Variants in TFIP11 observed in about 807,000 individuals in gnomAD.
TFIP11 encodes the protein tuftelin interacting protein 11.
TFIP11 carries 86 observed loss-of-function variants against 96.8 expected under a neutral mutation model. The ratio of observed to expected loss-of-function variants is 0.89; its 90% CI spans 0.75 to 1.06. The LOEUF is 1.06. Among genes scored for constraint, TFIP11 ranks in the 50% least tolerant of loss-of-function variants. The pLI is 0.00. For missense variants in TFIP11, 881 were observed against 1,076.7 expected (o/e 0.82, Z 2.54); for synonymous variants, 405 against 395.2 (o/e 1.02, Z -0.29).
In TFIP11 at chr22:26,502,003, T is replaced by C; in HGVS notation, c.698A>G (p.Lys233Arg). The change falls in exon 8 of 15, where the codon AAG (lysine) becomes AGG (arginine). Residue 233 changes from lysine (K) to arginine (R), a missense_variant. Lys to Arg is a conservative substitution (Grantham distance 26, BLOSUM62 2). Transcript: ENST00000407690. ...CTTGTAAGAGTATTTGGGCTTCTTC[T>C]TGCTTCCACTTGGGTCTTTCCTCCA... ...SQWRKDPSGS[K>R]KKPKYSYKTV... is the part of the protein sequence containing the mutation. 1 of 1,613,940 alleles carries C rather than the reference T, an allele frequency of 6.2e-7. No homozygotes were observed. Among genetic ancestry groups the C allele is most frequent in the South Asian group, 1.1e-5 (1 of 91,074 alleles).
At chr22:26,494,606 T>C in intron 13 of TFIP11, 191 bp downstream of exon 13, 1 of 859,868 alleles carries the variant, frequency 1.2e-6, no homozygotes, top group Non-Finnish European at 1.8e-6. Context: ...ATAAAGTGCT[T>C]GGAACAGCTT....
At chr22:26,496,966 C>T in intron 10 of TFIP11, 77 bp from the exon 11 acceptor site, 1 of 1,521,916 alleles carries the variant, frequency 6.6e-7, no homozygotes. Context: ...ACCTGCCTCT[C>T]TAGAATCAGG....
chr22:26,507,660 C>T (rs1764204728), intron 4 of TFIP11, among the ~76,000 whole-genome samples: 1 of 149,492 alleles, frequency 6.7e-6, no homozygotes, highest in African/African-American at 2.5e-5. Flanking sequence ...AAGAAAATTA[C>T]ACTAAAGTCC....
rs76406640 is a variant in TFIP11 at position 26,500,699 on chromosome 22, C to G, written c.802-1068G>C. Among the ~76,000 whole-genome samples, 523 of 151,384 alleles carry G rather than the reference C, an allele frequency of 3.5e-3. 15 individuals carry two copies. In the East Asian group the frequency reaches 0.065, roughly 19 times the overall value. ...AGAGTCCTGAGGTTCAGTCTAGACT[C>G]AATTCCTGGGAGGCACCTAGACACT... On this transcript the variant is annotated intron_variant, in intron 8 of 14. Coordinates refer to ENST00000407690, the MANE Select transcript of TFIP11 (RefSeq NM_012143.4).
rs779544872 is a variant in TFIP11, at chr22:26,491,427, T to C, written c.*586A>G. On this transcript the variant is annotated 3_prime_UTR_variant, in exon 15 of 15. Transcript: ENST00000407690. ...CCAGAAGAGTGGGGATTACTGTGAC[T>C]ATCTGAAGTTTTTATACTTGAATTT... 2 of 1,505,392 alleles carry C rather than the reference T, an allele frequency of 1.3e-6. No individual in the cohort carries two copies. The highest frequency in any genetic ancestry group is 1.8e-6 in the Non-Finnish European group (2 of 1,087,996). The allele number at this position is 1,505,392 out of a possible 1,614,324, so 93.3% of individuals were successfully genotyped here.
At position 26,502,023 on chromosome 22, in the gene TFIP11, C is replaced by T. The variant is rs2147137625; in HGVS notation, c.678G>A (p.Arg226=). 1 of 1,613,956 alleles carries T rather than the reference C, an allele frequency of 6.2e-7. No individual in the cohort carries two copies. The highest frequency in any genetic ancestry group is 8.5e-7 in the Non-Finnish European group (1 of 1,180,018). The change falls in exon 8 of 15, where the codon AGG becomes AGA. Residue 226 remains arginine (R), a synonymous_variant. Coordinates refer to ENST00000407690, the MANE Select transcript of TFIP11 (RefSeq NM_012143.4). ...TCTTCTTGCTTCCACTTGGGTCTTT[C>T]CTCCACTGGCTCAGCTCCTTCTGAA... The part of the protein sequence containing the change: ...EEFQKELSQW[R]KDPSGSKKKP...
At chr22:26,502,086 G>C (rs1006892061) in intron 7 of TFIP11, 34 bp from the exon 8 acceptor site, 1 of 1,613,694 alleles carries the variant, frequency 6.2e-7, no homozygotes, top group Admixed American at 1.7e-5. Context: ...ATGCAGCAAG[G>C]AACAACCACT....
intron 6 of TFIP11, among the ~76,000 whole-genome samples, chr22:26,504,671 A>G (rs557029587): frequency 7.2e-5 from 11 of 152,184 alleles, no homozygotes; most frequent in African/African-American, 2.7e-4. Flanking sequence ...CTTTGTATCA[A>G]AAAAAAGCAA....
At position 26,494,291 on chromosome 22, in the gene TFIP11, C is replaced by G. The variant is rs1234170776; in HGVS notation, c.2006G>C (p.Trp669Ser). The G allele has an allele frequency of 6.2e-7, 1 of 1,614,206 alleles. No homozygotes were observed. The highest frequency in any genetic ancestry group is 8.5e-7 in the Non-Finnish European group (1 of 1,180,048). ...CTCATAATTTGGGCTGTTACTGAGC[C>G]AAGAGCACAGCACCTGCCAAAAAGA... ...FPKWLQVLCSWLSNSPNYEEI... is the reference protein window; with the variant it reads ...FPKWLQVLCSSLSNSPNYEEI... Residue 669 changes from tryptophan to serine, a missense_variant, in exon 14 of 15, where the codon TGG (tryptophan) becomes TCG (serine). Trp to Ser is a radical substitution (Grantham distance 177). Coordinates refer to ENST00000407690, the MANE Select transcript of TFIP11 (RefSeq NM_012143.4).
intron 13 of TFIP11, 165 bp downstream of exon 13, chr22:26,494,632 T>C (rs1569156087): frequency 1.0e-6 from 1 of 997,462 alleles, no homozygotes. Context: ...ACATGGCAAA[T>C]GTCCAATAAA....
At chr22:26,497,507 G>A (rs148110717) in intron 10 of TFIP11, among the ~76,000 whole-genome samples, 1 of 152,234 alleles carries the variant, frequency 6.6e-6, no homozygotes, top group South Asian at 2.1e-4. Context: ...GGAAAACAGT[G>A]TGGAGATTCC....
At chr22:26,507,668 T>A (rs976499465) in intron 4 of TFIP11, among the ~76,000 whole-genome samples, 102 of 150,516 alleles carry the variant, frequency 6.8e-4, no homozygotes, top group Non-Finnish European at 9.6e-4. Context: ...TACACTAAAG[T>A]CCCCTAAGAA....
At chr22:26,494,964 G>T in intron 12 of TFIP11, 25 bp from the exon 13 acceptor site, 1 of 1,613,996 alleles carries the variant, frequency 6.2e-7, no homozygotes, top group Non-Finnish European at 8.5e-7. Flanking sequence ...CGGTCTGTAA[G>T]GCACAGCTTT....
At chr22:26,497,660 G>A (rs1017343814) in intron 10 of TFIP11, among the ~76,000 whole-genome samples, 9 of 152,160 alleles carry the variant, frequency 5.9e-5, no homozygotes, top group Non-Finnish European at 1.2e-4. Flanking sequence ...GGCGGATCAC[G>A]AGGTCAAGAG....
At position 26,491,539 on chromosome 22, in the gene TFIP11, A is replaced by C; in HGVS notation, c.*474T>G. The C allele has an allele frequency of 1.9e-6, 3 of 1,614,134 alleles. No individual in the cohort carries two copies. The highest frequency in any genetic ancestry group is 2.5e-6 in the Non-Finnish European group (3 of 1,179,986). ...GACATATTTAATGATACCTCTGTCC[A>C]CTGGTTCCCTGTGCAAAAGCTAGAA... On this transcript the variant is annotated 3_prime_UTR_variant, in exon 15 of 15. Transcript: ENST00000407690.
At chr22:26,504,041 T>C (rs1404712864) in intron 6 of TFIP11, among the ~76,000 whole-genome samples, 1 of 152,180 alleles carries the variant, frequency 6.6e-6, no homozygotes, top group Admixed American at 6.5e-5. Context: ...GATTTCCATT[T>C]CCACTTGGAT....
chr22:26,511,615 G>A (rs570127856), intron 2 of TFIP11: 1 of 152,324 alleles, frequency 6.6e-6, no homozygotes, highest in East Asian at 1.9e-4. Context: ...AAATATGCAC[G>A]TGAAGCGCCA....
chr22:26,496,737 G>A lies in TFIP11; in HGVS notation c.1589C>T (p.Pro530Leu). The A allele has an allele frequency of 1.2e-6, 2 of 1,614,048 alleles. No individual in the cohort carries two copies. Among genetic ancestry groups the A allele is most frequent in the Non-Finnish European group, 8.5e-7 (1 of 1,179,988 alleles). Reference sequence around the variant, plus strand: ...TCATCCCACCTCCTTTTGCAGCTTGGGGAAGATGAGTTGGTCCAGTATGTT... The same window carrying A: ...TCATCCCACCTCCTTTTGCAGCTTGAGGAAGATGAGTTGGTCCAGTATGTT... The part of the protein sequence containing the change: ...LDNILDQLIF[P>L]KLQKEVENWN... The change falls in exon 11 of 15, where the codon CCC becomes CTC. Residue 530 changes from proline (P) to leucine (L), a missense_variant. Pro to Leu is a moderately conservative substitution (Grantham distance 98, BLOSUM62 -3). Transcript: ENST00000407690.
rs750943672 is a variant in TFIP11 at position 26,498,958 on chromosome 22, G to A, written c.1347C>T (p.Thr449=). Residue 449 remains threonine, a synonymous_variant, in exon 10 of 15, where the codon ACC becomes ACT. Coordinates refer to ENST00000407690, the MANE Select transcript of TFIP11 (RefSeq NM_012143.4). Reference sequence around the variant, plus strand: ...GGCTTTTCCACTTAGAGATGATCTCGGTGCCATAAGTGCAGTCCTGAGGAG... The same window carrying A: ...GGCTTTTCCACTTAGAGATGATCTCAGTGCCATAAGTGCAGTCCTGAGGAG... ...WDPLKDCTYG[T]EIISKWKSLL... 80 of 1,613,922 alleles carry A rather than the reference G, an allele frequency of 5.0e-5. No individual in the cohort carries two copies. The highest frequency in any genetic ancestry group is 6.5e-5 in the Non-Finnish European group (77 of 1,180,018).
Sources: gnomAD v4.1 joint callset for allele counts (sites outside exome capture counted in the v4.1 genomes callset) on GRCh38, gnomAD v4.1.1 for gene constraint, MANE v1.5 for transcripts, NCBI Gene and HGNC (gene_info 2026-07-23, HGNC 2026-07-21) for gene names.